The following ARHGDIB variants were observed in gnomAD, a reference collection of about 807,000 sequenced individuals.
The protein encoded by ARHGDIB is rho GDP-dissociation inhibitor 2.
In ARHGDIB, 20 loss-of-function variants were observed where a neutral mutation model predicts 22.6. That is an observed-to-expected ratio of 0.88 (90% CI 0.62 to 1.28). The LOEUF is 1.28. Ranked by LOEUF, ARHGDIB falls within the 50% of genes most tolerant of loss-of-function variation. ARHGDIB has a pLI of 0.00. For synonymous variants in ARHGDIB, 114 were observed against 96.1 expected, an observed-to-expected ratio of 1.19 and a Z score of -1.09; for missense variants, 254 against 245.4, an observed-to-expected ratio of 1.04 and a Z score of -0.23.
At chr12:14,943,383 T>A (rs1863923327) in intron 5 of ARHGDIB, among the ~76,000 whole-genome samples, 2 of 102,416 alleles carry the variant, frequency 2.0e-5, no homozygotes, top group Non-Finnish European at 4.2e-5. Context: ...GCCTGTTTTT[T>A]TTTTTTTTGT....
chr12:14,960,794 C>T (rs1017665463), intron 1 of ARHGDIB, among the ~76,000 whole-genome samples: 5 of 152,234 alleles, frequency 3.3e-5, no homozygotes, highest in Non-Finnish European at 5.9e-5. Context: ...TGAGCCACCA[C>T]GCCCAGCCCT....
intron 1 of ARHGDIB, among the ~76,000 whole-genome samples, chr12:14,959,848 T>C (rs1296361131): frequency 6.6e-6 from 1 of 152,234 alleles, no homozygotes; most frequent in Admixed American, 6.5e-5. Flanking sequence ...CTGTGAAGCA[T>C]GGATGGAGAA....
At position 14,942,166 on chromosome 12, in the gene ARHGDIB, TGAACTACTG is replaced by T. The variant is rs1398844419; in HGVS notation, c.*347_*355del. 2.4e-5 allele frequency: 6 copies of T among 254,234 alleles called. No homozygotes were observed. The Admixed American group carries it at 2.9e-4, about 12-fold the overall frequency. 15.7% of individuals were successfully genotyped at this position (254,234 alleles called of 1,614,324 possible). On this transcript the variant is annotated 3_prime_UTR_variant, in exon 6 of 6. Coordinates refer to ENST00000228945, the MANE Select transcript of ARHGDIB (RefSeq NM_001175.7). ...CCACAAAAGAATCTAGGCATTAGAA[TGAACTACTG>T]GAACCTGAGTCAAAGACCTGTTAGT...
intron 1 of ARHGDIB, among the ~76,000 whole-genome samples, chr12:14,956,637 T>A (rs918124): frequency 1.3e-5 from 2 of 152,006 alleles, no homozygotes; most frequent in African/African-American, 4.8e-5. Flanking sequence ...CAGGTTAATG[T>A]GGACCCCATT....
Position 14,949,904 on chromosome 12 carries a change from A to G in ARHGDIB, c.182-19T>C, listed in dbSNP as rs1183818168. 3 of 1,608,666 alleles carry G rather than the reference A, an allele frequency of 1.9e-6. No individual in the cohort carries two copies. The East Asian group carries it at 6.7e-5, about 36-fold the overall frequency. On this transcript the variant is annotated intron_variant, in intron 2 of 5. Coordinates refer to ENST00000228945, the MANE Select transcript of ARHGDIB (RefSeq NM_001175.7). ...TTCGGATCTGCAGGATCGAAAGGGA[A>G]TGTAAGTACCAAGAAGAGACATGTG...
At chr12:14,950,961 A>T (rs1864162642) in intron 1 of ARHGDIB, 2 of 334,200 alleles carry the variant, frequency 6.0e-6, no homozygotes, top group Non-Finnish European at 1.1e-5. Context: ...CTATTCACTG[A>T]ACAAAACTGA....
Position 14,942,498 on chromosome 12 carries a change from G to A in ARHGDIB, c.*24C>T. The stretch of plus-strand genomic sequence containing the variant: ...CTGAGAGAATTCTTCCAGGTGGCAA[G>A]GGTGGGGAAAGGGGTGGATGCATTC... On this transcript the variant is annotated 3_prime_UTR_variant, in exon 6 of 6. Coordinates refer to ENST00000228945, the MANE Select transcript of ARHGDIB (RefSeq NM_001175.7). 6.2e-7 allele frequency: 1 copy of A among 1,613,064 alleles called. No individual in the cohort carries two copies. Among genetic ancestry groups the A allele is most frequent in the Non-Finnish European group, 8.5e-7 (1 of 1,179,442 alleles).
chr12:14,960,480 T>C (rs915652911), intron 1 of ARHGDIB, among the ~76,000 whole-genome samples: 2 of 152,176 alleles, frequency 1.3e-5, no homozygotes, highest in Admixed American at 6.5e-5. Context: ...AGTTATCTCA[T>C]ACCTAAAGGG....
chr12:14,957,143 A>G (rs771227062), intron 1 of ARHGDIB, among the ~76,000 whole-genome samples: 18 of 152,168 alleles, frequency 1.2e-4, no homozygotes, highest in Non-Finnish European at 2.9e-5. Context: ...AGGGATTCAA[A>G]ACCAGGCTCT....
chr12:14,944,714 C>T, intron 5 of ARHGDIB, 62 bp downstream of exon 5: 7 of 1,523,490 alleles, frequency 4.6e-6, no homozygotes, highest in Non-Finnish European at 6.3e-6. Context: ...TTGCTAATAA[C>T]CAGAAGTTAA....
At chr12:14,953,069 T>C (rs1050143403) in intron 1 of ARHGDIB, among the ~76,000 whole-genome samples, 3 of 152,210 alleles carry the variant, frequency 2.0e-5, no homozygotes, top group Non-Finnish European at 4.4e-5. Flanking sequence ...ATCTAACATA[T>C]AGGTCTTGAT....
chr12:14,942,938 G>A (rs1863907220), intron 5 of ARHGDIB, among the ~76,000 whole-genome samples: 1 of 151,498 alleles, frequency 6.6e-6, no homozygotes, highest in Admixed American at 6.6e-5. Context: ...GCACAATCTC[G>A]GCTCACCACA....
rs1283832970 is a variant in ARHGDIB at position 14,947,969 on chromosome 12, G to C, written c.266-20C>G. On this transcript the variant is annotated intron_variant, in intron 3 of 5. Coordinates refer to ENST00000228945, the MANE Select transcript of ARHGDIB (RefSeq NM_001175.7). ...GATCTCCTGTAGAAGAAGATTTAGA[G>C]AGAGTTTATCCTCAAAAGCAGATAC... 1.3e-6 allele frequency: 2 copies of C among 1,591,412 alleles called. No individual in the cohort carries two copies. Among genetic ancestry groups the C allele is most frequent in the Admixed American group, 3.3e-5 (2 of 59,960 alleles).
intron 1 of ARHGDIB, chr12:14,950,948 C>G (rs969104244): frequency 2.6e-6 from 1 of 377,824 alleles, no homozygotes; most frequent in Non-Finnish European, 4.8e-6. Flanking sequence ...ATTGTAGTAT[C>G]TTCTATTCAC....
chr12:14,947,045 G>T (rs992184026), intron 4 of ARHGDIB, among the ~76,000 whole-genome samples: 2 of 151,534 alleles, frequency 1.3e-5, no homozygotes, highest in African/African-American at 4.9e-5. Flanking sequence ...CCTGTACCTT[G>T]GGGAAAAAAG....
intron 5 of ARHGDIB, among the ~76,000 whole-genome samples, chr12:14,943,023 C>T (rs1863910582): frequency 6.6e-6 from 1 of 152,110 alleles, no homozygotes; most frequent in African/African-American, 2.4e-5. Context: ...CATGCGCCAC[C>T]ATGCTTGGCT....
intron 2 of ARHGDIB, 61 bp downstream of exon 2, chr12:14,950,471 C>G (rs1484323678): frequency 2.0e-6 from 3 of 1,500,102 alleles, no homozygotes; most frequent in Non-Finnish European, 2.7e-6. Context: ...TCCTGAGCAG[C>G]CAAAATGTCT....
rs758920170 is a variant in ARHGDIB at position 14,942,612 on chromosome 12, G to C, written c.516C>G (p.Tyr172Ter). 2 of 1,614,146 alleles carry C rather than the reference G, an allele frequency of 1.2e-6. No homozygotes were observed. Among genetic ancestry groups the C allele is most frequent in the Non-Finnish European group, 1.7e-6 (2 of 1,180,010 alleles). Residue 172 changes from tyrosine to a stop codon, truncating the protein, a stop_gained, in exon 6 of 6, where the codon TAC becomes TAG. Transcript: ENST00000228945. LOFTEE classifies it high-confidence loss of function. ...APKGMLARGTYHNKSFFTDDD... is the reference protein window; with the variant it reads ...APKGMLARGT ...CGTCGGTGAAGAAGGACTTGTTGTG[G>C]TACGTGCCTCGCGCCAGCATGCCCT...
At chr12:14,953,895 C>T (rs1864239893) in intron 1 of ARHGDIB, among the ~76,000 whole-genome samples, 1 of 151,464 alleles carries the variant, frequency 6.6e-6, no homozygotes, top group African/African-American at 2.4e-5. Flanking sequence ...CTCTCTCTCT[C>T]CCTTCTTTCT....
Sources: allele counts gnomAD v4.1 joint callset (sites outside exome capture counted in the v4.1 genomes callset), GRCh38; gene constraint gnomAD v4.1.1; transcripts MANE v1.5; gene names NCBI Gene and HGNC (gene_info 2026-07-23, HGNC 2026-07-21).